INA: variants seen among roughly 807,000 people sequenced by gnomAD.
INA encodes the protein internexin neuronal intermediate filament protein alpha, also known as alpha-internexin.
Under a neutral mutation model 40.1 loss-of-function variants are expected in INA, and 35 were observed. The ratio of observed to expected loss-of-function variants is 0.87; its 90% confidence interval spans 0.67 to 1.16. INA has a LOEUF of 1.16. INA is among the 50% of genes most tolerant of loss of function. INA has a pLI of 0.00. For synonymous variants in INA, 290 were observed against 316.9 expected, an observed-to-expected ratio of 0.92 and a Z score of 0.90; for missense variants, 594 against 686.7, an observed-to-expected ratio of 0.87 and a Z score of 1.51.
At position 103,277,227 on chromosome 10, in the gene INA, G is replaced by C; in HGVS notation, c.16G>C (p.Glu6Gln). The change falls in exon 1 of 3, where the codon GAG becomes CAG. Residue 6 changes from glutamate to glutamine, a missense_variant. Physicochemically the swap from Glu to Gln is conservative, Grantham distance 29. This residue lies in a region of INA where 215 missense variants were observed against 190.6 expected (regional missense o/e 1.13). Transcript: ENST00000369849. This position sits in a 1 kb window ranked among gnomAD's most constrained non-coding sequence, Gnocchi z 5.6. ...TCCCGGCACCATGAGCTTCGGCTCG[G>C]AGCACTACCTGTGCTCCTCCTCCTC... MSFGS[E>Q]HYLCSSSSYR... 1.3e-6 allele frequency: 2 copies of C among 1,585,716 alleles called. No homozygotes were observed. The highest frequency in any genetic ancestry group is 1.7e-6 in the Non-Finnish European group (2 of 1,169,542).
chr10:103,285,599 G>A (rs895348711), intron 1 of INA, among the ~76,000 whole-genome samples: 2 of 149,742 alleles, frequency 1.3e-5, no homozygotes, highest in African/African-American at 4.9e-5. Flanking sequence ...CCTGGCAGGA[G>A]AGGACATTTG....
chr10:103,279,354 A>T (rs376103027), intron 1 of INA, among the ~76,000 whole-genome samples: 5 of 151,990 alleles, frequency 3.3e-5, no homozygotes, highest in South Asian at 4.2e-4. Flanking sequence ...TATTTTTTCC[A>T]TATTTCCCTG....
intron 1 of INA, among the ~76,000 whole-genome samples, chr10:103,285,223 A>T (rs1020868008): frequency 2.0e-5 from 3 of 152,016 alleles, no homozygotes; most frequent in Non-Finnish European, 1.5e-5. Context: ...ACCCCAGGTG[A>T]TCCTCCCGCC....
chr10:103,284,056 A>G (rs1032583881), intron 1 of INA, among the ~76,000 whole-genome samples: 1 of 150,942 alleles, frequency 6.6e-6, no homozygotes, highest in Non-Finnish European at 1.5e-5. Context: ...GGCATGAGCC[A>G]CCATGCCCGG....
In INA at chr10:103,277,512, C is replaced by G. The variant is rs994747200; in HGVS notation, c.301C>G (p.Leu101Val). 1 of 1,588,622 alleles carries G rather than the reference C, an allele frequency of 6.3e-7. No individual in the cohort carries two copies. The highest frequency in any genetic ancestry group is 8.5e-7 in the Non-Finnish European group (1 of 1,170,944). Residue 101 changes from leucine to valine, a missense_variant, in exon 1 of 3, where the codon CTC becomes GTC. Physicochemically the swap from Leu to Val is conservative, Grantham distance 32 (BLOSUM62 1). Coordinates refer to ENST00000369849, the MANE Select transcript of INA (RefSeq NM_032727.4). This position sits in a 1 kb window ranked among gnomAD's most constrained non-coding sequence, Gnocchi z 5.6. The part of the protein sequence containing the change: ...RTNEKEQLQG[L>V]NDRFAVFIEK... ...CAACGAGAAGGAGCAGCTGCAGGGC[C>G]TCAACGACCGCTTCGCCGTGTTCAT...
At chr10:103,281,496 T>G (rs72846169) in intron 1 of INA, among the ~76,000 whole-genome samples, 6,006 of 152,214 alleles carry the variant, frequency 0.039, 174 homozygotes, top group Non-Finnish European at 0.056. Context: ...AACCACTTCT[T>G]CCAGTAAAGT....
Position 103,277,759 on chromosome 10 carries a change from A to T in INA, c.548A>T (p.Glu183Val), listed in dbSNP as rs911410749. Reference protein sequence around the residue: ...EEVQRLRARCEEESRGREGAE... With the variant: ...EEVQRLRARCVEESRGREGAE... The stretch of plus-strand genomic sequence containing the variant: ...GTGCAGCGGCTGCGGGCGCGCTGCG[A>T]GGAGGAGAGCCGCGGACGCGAAGGC... Residue 183 changes from glutamate (E) to valine (V), a missense_variant, in exon 1 of 3, where the codon GAG becomes GTG. Around this residue, in one of 2 missense-constraint regions of INA, gnomAD observed 379 missense variants for 496.1 expected, o/e 0.76. Transcript: ENST00000369849. The surrounding 1 kb of genome is among the most constrained non-coding windows in gnomAD (Gnocchi z 5.6). The T allele has an allele frequency of 2.2e-5, 32 of 1,453,054 alleles. No individual in the cohort carries two copies. The highest frequency in any genetic ancestry group is 2.8e-5 in the Non-Finnish European group (31 of 1,114,464). 90.0% of individuals were successfully genotyped at this position (1,453,054 alleles called of 1,614,324 possible). A position where few individuals can be genotyped will look rare whatever the true frequency, so the allele number is the denominator to read the frequency against.
At chr10:103,287,302 G>T in intron 2 of INA, 143 bp downstream of exon 2, 1 of 779,486 alleles carries the variant, frequency 1.3e-6, no homozygotes, top group Non-Finnish European at 2.0e-6. Context: ...TGAGCTGACT[G>T]CTCTGTCCCT....
rs1488491158 is a variant in INA at position 103,277,301 on chromosome 10, T to C, written c.90T>C (p.Ser30=). ...GCTCTCGCCTGTCCGCCCGCCTCTC[T>C]GGGGCCGGCGGCGCGGGCGGCTTCC... ...GDGSRLSARL[S]GAGGAGGFRS... Residue 30 remains serine, a synonymous_variant, in exon 1 of 3, where the codon TCT becomes TCC. Coordinates refer to ENST00000369849, the MANE Select transcript of INA (RefSeq NM_032727.4). This position sits in a 1 kb window ranked among gnomAD's most constrained non-coding sequence, Gnocchi z 5.6. 2.5e-6 allele frequency: 4 copies of C among 1,589,098 alleles called. No homozygotes were observed. The highest frequency in any genetic ancestry group is 3.4e-6 in the Non-Finnish European group (4 of 1,172,028).
At chr10:103,282,511 A>G (rs181215347) in intron 1 of INA, among the ~76,000 whole-genome samples, 2 of 152,328 alleles carry the variant, frequency 1.3e-5, no homozygotes, top group East Asian at 1.9e-4. Flanking sequence ...TTTCAGAACA[A>G]AGAAAATCAA....
In INA at chr10:103,277,760, G is replaced by A; in HGVS notation, c.549G>A (p.Glu183=). The A allele has an allele frequency of 4.1e-6, 6 of 1,455,798 alleles. No individual in the cohort carries two copies. The highest frequency in any genetic ancestry group is 5.4e-6 in the Non-Finnish European group (6 of 1,115,742). The allele number at this position is 1,455,798 out of a possible 1,614,324, so 90.2% of individuals were successfully genotyped here. A position where few individuals can be genotyped will look rare whatever the true frequency, so the allele number is the denominator to read the frequency against. ...TGCAGCGGCTGCGGGCGCGCTGCGAGGAGGAGAGCCGCGGACGCGAAGGCG... is the reference window on the plus strand; with the variant it reads ...TGCAGCGGCTGCGGGCGCGCTGCGAAGAGGAGAGCCGCGGACGCGAAGGCG... The part of the protein sequence containing the change: ...EEVQRLRARC[E]EESRGREGAE... The change falls in exon 1 of 3, where the codon GAG becomes GAA. Residue 183 remains glutamate, a synonymous_variant. Coordinates refer to ENST00000369849, the MANE Select transcript of INA (RefSeq NM_032727.4). The surrounding 1 kb of genome is among the most constrained non-coding windows in gnomAD (Gnocchi z 5.6).
chr10:103,288,026 C>T (rs2093090509), intron 2 of INA, among the ~76,000 whole-genome samples: 1 of 152,128 alleles, frequency 6.6e-6, no homozygotes, highest in African/African-American at 2.4e-5. Context: ...AAGTACTTCT[C>T]CCTAGAGCTT....
chr10:103,289,404 T>C lies in INA; in HGVS notation c.*735T>C, dbSNP rs979446321. 1.3e-5 allele frequency: 2 copies of C among 152,656 alleles called. No individual in the cohort carries two copies. The highest frequency in any genetic ancestry group is 4.8e-5 in the African/African-American group (2 of 41,454). The allele number at this position is 152,656 out of a possible 1,614,324, so 9.5% of individuals were successfully genotyped here. ...AGGTTAAAAAAATGGCAGTGATGAA[T>C]TTTAAGGGTTTCCCCCAACATATAA... On this transcript the variant is annotated 3_prime_UTR_variant, in exon 3 of 3. Transcript: ENST00000369849.
rs984245632 is a variant in INA, at chr10:103,280,206, G to C, written c.1065+1930G>C. The C allele has an allele frequency of 7.1e-6, 7 of 985,338 alleles. No homozygotes were observed. The Admixed American group carries it at 4.3e-4, about 61-fold the overall frequency. 61.0% of individuals were successfully genotyped at this position (985,338 alleles called of 1,614,324 possible). A position where few individuals can be genotyped will look rare whatever the true frequency, so the allele number is the denominator to read the frequency against. ...CAACAACAGAGAAACTGCAGCATCT[G>C]CAGCTCTGCGGTGCTGCCCCCATCA... On this transcript the variant is annotated intron_variant, in intron 1 of 2. Transcript: ENST00000369849.
At chr10:103,281,013 GT>G in intron 1 of INA, 1 of 749,344 alleles carries the variant, frequency 1.3e-6, no homozygotes, top group Non-Finnish European at 1.6e-6. Context: ...ATCACCGCAG[GT>G]TAATGCTCTC....
At chr10:103,283,350 T>C (rs2093076830) in intron 1 of INA, among the ~76,000 whole-genome samples, 1 of 152,250 alleles carries the variant, frequency 6.6e-6, no homozygotes, top group Non-Finnish European at 1.5e-5. Flanking sequence ...AGTGATTCTA[T>C]GTCAGTAGCA....
intron 1 of INA, among the ~76,000 whole-genome samples, chr10:103,283,572 G>A (rs1008248253): frequency 2.0e-5 from 3 of 152,098 alleles, no homozygotes; most frequent in Admixed American, 6.6e-5. Context: ...TTATAGAACA[G>A]GTAGGTGGTA....
At chr10:103,288,333 A>C (rs776594664) in intron 2 of INA, 27 bp from the exon 3 acceptor site, 66 of 1,564,818 alleles carry the variant, frequency 4.2e-5, no homozygotes, top group Non-Finnish European at 5.2e-5. Context: ...TTGACTTCCT[A>C]AGAGTTTTTC....
intron 1 of INA, among the ~76,000 whole-genome samples, chr10:103,283,159 G>A (rs898030319): frequency 3.3e-5 from 5 of 152,176 alleles, no homozygotes; most frequent in African/African-American, 1.2e-4. Flanking sequence ...GATGTTAGTG[G>A]CAGAGCAAAA....
Sources: allele counts gnomAD v4.1 joint callset (sites outside exome capture counted in the v4.1 genomes callset), GRCh38; gene constraint gnomAD v4.1.1; regional missense constraint gnomAD v4.1.1; non-coding constraint Gnocchi (gnomAD v3.1); transcripts MANE v1.5; gene names NCBI Gene and HGNC (gene_info 2026-07-23, HGNC 2026-07-21).